The following PLXNA4 variants were observed in gnomAD, a reference collection of about 807,000 sequenced individuals.
PLXNA4 encodes plexin A4.
A neutral mutation model predicts 191.8 loss-of-function variants in PLXNA4; 44 were observed. That is an observed-to-expected ratio of 0.23 (90% CI 0.18 to 0.29). The LOEUF is 0.29. Ranked by LOEUF, PLXNA4 falls within the 10% of genes least tolerant of loss-of-function variation. The probability of loss-of-function intolerance (pLI) is 1.00; values close to 1 mark genes in which losing one functional copy is unlikely to be tolerated. For missense variants in PLXNA4, 1,800 were observed against 2,488.8 expected, an observed-to-expected ratio of 0.72 and a Z score of 5.89; for synonymous variants, 1,082 against 1,009.5, an observed-to-expected ratio of 1.07 and a Z score of -1.36.
chr7:132,388,696 G>A (rs1229687509), intron 3 of PLXNA4, among the ~76,000 whole-genome samples: 1 of 152,180 alleles, frequency 6.6e-6, no homozygotes, highest in African/African-American at 2.4e-5. Context: ...AGGCTTTGGG[G>A]CCTTAAGTTG....
chr7:132,160,043 A>C (rs745418191), intron 24 of PLXNA4, among the ~76,000 whole-genome samples: 14 of 152,296 alleles, frequency 9.2e-5, no homozygotes, highest in Non-Finnish European at 1.6e-4. Flanking sequence ...CGGCACACCC[A>C]GACCCTCGCC....
intron 1 of PLXNA4, among the ~76,000 whole-genome samples, chr7:132,553,558 T>G (rs1341777469): frequency 6.6e-6 from 1 of 152,132 alleles, no homozygotes; most frequent in African/African-American, 2.4e-5. Flanking sequence ...CCATCTGGTT[T>G]GAGAGGTCCT....
At chr7:132,187,196 CT>C (rs1796907396) in intron 15 of PLXNA4, among the ~76,000 whole-genome samples, 1 of 152,126 alleles carries the variant, frequency 6.6e-6, no homozygotes, top group South Asian at 2.1e-4. Flanking sequence ...CCAAATTATC[CT>C]TAAAAAAACC....
intron 4 of PLXNA4, among the ~76,000 whole-genome samples, chr7:132,285,460 T>C (rs1029543119): frequency 6.6e-6 from 1 of 152,230 alleles, no homozygotes; most frequent in African/African-American, 2.4e-5. Context: ...CCCTTAGCCA[T>C]TGTGCATCCC....
intron 3 of PLXNA4, among the ~76,000 whole-genome samples, chr7:132,391,775 C>T (rs750570532): frequency 1.3e-5 from 2 of 152,126 alleles, no homozygotes; most frequent in Non-Finnish European, 2.9e-5. Flanking sequence ...GCCAGGGAGG[C>T]CACCGAGGCA....
chr7:132,408,924 C>T (rs549676569), intron 3 of PLXNA4, among the ~76,000 whole-genome samples: 1 of 142,494 alleles, frequency 7.0e-6, no homozygotes, highest in African/African-American at 2.6e-5. Context: ...TCTCTAAAAC[C>T]CACTCTGCTC....
chr7:132,402,827 A>C (rs56736425), intron 3 of PLXNA4, among the ~76,000 whole-genome samples: 1 of 152,214 alleles, frequency 6.6e-6, no homozygotes, highest in Non-Finnish European at 1.5e-5. Flanking sequence ...CACCTCCAGC[A>C]TGGACAGAAA....
intron 3 of PLXNA4, among the ~76,000 whole-genome samples, chr7:132,414,468 G>A (rs1055473274): frequency 3.3e-5 from 5 of 152,272 alleles, no homozygotes; most frequent in East Asian, 3.9e-4. Context: ...GAGAGACTGC[G>A]GTAAACCTAA....
chr7:132,327,326 A>G (rs1802413882), intron 3 of PLXNA4, among the ~76,000 whole-genome samples: 1 of 152,204 alleles, frequency 6.6e-6, no homozygotes, highest in Non-Finnish European at 1.5e-5. Flanking sequence ...TCTAAGGGTC[A>G]GAAGTACTGA....
chr7:132,245,064 ACCACT>A (rs759402598), intron 4 of PLXNA4, among the ~76,000 whole-genome samples: 5 of 151,954 alleles, frequency 3.3e-5, no homozygotes, highest in Non-Finnish European at 7.4e-5. Context: ...TGGAACACAA[ACCACT>A]CCAGATGCAG....
intron 2 of PLXNA4, among the ~76,000 whole-genome samples, chr7:132,623,250 G>A (rs911436686): frequency 6.6e-6 from 1 of 151,972 alleles, no homozygotes; most frequent in African/African-American, 2.4e-5. Flanking sequence ...GGAGACTGAG[G>A]CAGGAGAGTC....
At chr7:132,430,719 A>T (rs1795227242) in intron 3 of PLXNA4, among the ~76,000 whole-genome samples, 1 of 152,226 alleles carries the variant, frequency 6.6e-6, no homozygotes, top group African/African-American at 2.4e-5. Context: ...GTTGAGGGCC[A>T]AGAAAGTCAG....
chr7:132,256,104 G>A (rs1036876576), intron 4 of PLXNA4, among the ~76,000 whole-genome samples: 7 of 152,190 alleles, frequency 4.6e-5, no homozygotes, highest in South Asian at 2.1e-4. Flanking sequence ...GAGTTGGCAC[G>A]GCACGTCTGG....
chr7:132,460,831 T>C (rs575048921), intron 3 of PLXNA4, among the ~76,000 whole-genome samples: 2 of 152,192 alleles, frequency 1.3e-5, no homozygotes, highest in Admixed American at 1.3e-4. Context: ...CGTTTCAGAA[T>C]GGTGTTCACA....
At chr7:132,316,009 G>A (rs992451635) in intron 3 of PLXNA4, among the ~76,000 whole-genome samples, 1 of 152,168 alleles carries the variant, frequency 6.6e-6, no homozygotes, top group African/African-American at 2.4e-5. Context: ...GGGAAGTGTT[G>A]TATGTTTCCA....
intron 3 of PLXNA4, among the ~76,000 whole-genome samples, chr7:132,348,778 G>A (rs1032113106): frequency 2.6e-5 from 4 of 152,230 alleles, no homozygotes; most frequent in African/African-American, 9.6e-5. Flanking sequence ...AAACCCTGGA[G>A]TGCAGAGAAT....
intron 3 of PLXNA4, among the ~76,000 whole-genome samples, chr7:132,348,384 G>T (rs1481807153): frequency 6.6e-6 from 1 of 152,194 alleles, no homozygotes; most frequent in East Asian, 1.9e-4. Context: ...CTTGAGGGAA[G>T]TCCAGCCCAA....
At chr7:132,244,033 T>C (rs1411232334) in intron 4 of PLXNA4, among the ~76,000 whole-genome samples, 1 of 152,218 alleles carries the variant, frequency 6.6e-6, no homozygotes, top group Non-Finnish European at 1.5e-5. Flanking sequence ...ACTATCTTTA[T>C]TAGCTTCTGG....
intron 4 of PLXNA4, among the ~76,000 whole-genome samples, chr7:132,259,482 G>C (rs10279295): frequency 1.8e-5 from 2 of 111,358 alleles, no homozygotes; most frequent in African/African-American, 7.1e-5. Flanking sequence ...AAGAAAAAAG[G>C]AAAAAAGAAA....
Sources: gnomAD v4.1 joint callset for allele counts (sites outside exome capture counted in the v4.1 genomes callset) on GRCh38, gnomAD v4.1.1 for gene constraint, MANE v1.5 for transcripts, NCBI Gene and HGNC (gene_info 2026-07-23, HGNC 2026-07-21) for gene names.